POLG: variants seen among roughly 807,000 people sequenced by gnomAD.
POLG encodes the protein DNA polymerase gamma, catalytic subunit, also known as DNA polymerase subunit gamma-1.
Under a neutral mutation model 155.4 loss-of-function variants are expected in POLG, and 110 were observed. The ratio of observed to expected loss-of-function variants is 0.71; its 90% CI spans 0.61 to 0.83. POLG has a LOEUF of 0.83. Among genes scored for constraint, POLG ranks in the 40% least tolerant of loss-of-function variants. The pLI, the probability that POLG is intolerant of heterozygous loss-of-function variation, is 0.00. For synonymous variants in POLG, 701 were observed against 631.5 expected, an observed-to-expected ratio of 1.11 and a Z score of -1.65; for missense variants, 1,685 against 1,627.5, an observed-to-expected ratio of 1.04 and a Z score of -0.61.
At chr15:89,325,114 GT>G (rs1379762875) in intron 10 of POLG, among the ~76,000 whole-genome samples, 6 of 73,416 alleles carry the variant, frequency 8.2e-5, no homozygotes, top group African/African-American at 4.6e-4. Flanking sequence ...GTGAGAGAGA[GT>G]GAGTGAGTGA....
intron 10 of POLG, among the ~76,000 whole-genome samples, chr15:89,325,171 A>AGAGTGAGAGAGTGAGTGAGT (rs2055481708): frequency 1.7e-5 from 1 of 58,574 alleles, no homozygotes; most frequent in Non-Finnish European, 3.0e-5. Flanking sequence ...AGTGAGTGAG[A>AGAGTGAGAGAGTGAGTGAGT]GAGTGAGAGA....
chr15:89,333,095 C>T lies in POLG; in HGVS notation c.659+1G>A, dbSNP rs1348641548. The T allele has an allele frequency of 6.6e-7, 1 of 1,512,130 alleles. No individual in the cohort carries two copies. Among genetic ancestry groups the T allele is most frequent in the Non-Finnish European group, 8.8e-7 (1 of 1,130,412 alleles). 93.7% of individuals were successfully genotyped at this position (1,512,130 alleles called of 1,614,324 possible). A position where few individuals can be genotyped will look rare whatever the true frequency, so the allele number is the denominator to read the frequency against. On this transcript the variant is annotated splice_donor_variant, in intron 2 of 22. Coordinates refer to ENST00000268124, the MANE Select transcript of POLG (RefSeq NM_002693.3). LOFTEE classifies it high-confidence loss of function. ...ATGTCCCCAACCCTGCCCCTACTTA[C>T]CAGGCCGAGGGGGATATGGCCACCG...
intron 3 of POLG, 44 bp from the exon 4 acceptor site, chr15:89,329,154 C>T: frequency 6.5e-7 from 1 of 1,549,990 alleles, no homozygotes; most frequent in Non-Finnish European, 8.8e-7. Flanking sequence ...AGGGAGGCTG[C>T]AACTGTGGGG....
rs753739487 is a variant in POLG at position 89,333,473 on chromosome 15, C to A, written c.282G>T (p.Met94Ile). Residue 94 changes from methionine (M) to isoleucine (I), a missense_variant, in exon 2 of 23, where the codon ATG becomes ATT. This residue lies in a region of POLG where 1,210 missense variants were observed against 1,167.1 expected (regional missense o/e 1.04). Coordinates refer to ENST00000268124, the MANE Select transcript of POLG (RefSeq NM_002693.3). ...HEQIFGQGGEMPGEAAVRRSV... is the reference protein window; with the variant it reads ...HEQIFGQGGEIPGEAAVRRSV... ...TGCGGCGCACCGCGGCCTCGCCAGG[C>A]ATCTCCCCTCCTTGCCCGAAGATTT... 4 of 1,612,230 alleles carry A rather than the reference C, an allele frequency of 2.5e-6. No individual in the cohort carries two copies. The highest frequency in any genetic ancestry group is 2.2e-5 in the South Asian group (2 of 91,088).
chr15:89,317,388 C>T lies in POLG; in HGVS notation c.3631G>A (p.Gly1211Arg), dbSNP rs768181189. The T allele has an allele frequency of 1.2e-5, 20 of 1,613,910 alleles. No homozygotes were observed. Among genetic ancestry groups the T allele is most frequent in the Admixed American group, 1.7e-5 (1 of 60,004 alleles). Residue 1211 changes from glycine (G) to arginine (R), a missense_variant, in exon 22 of 23, where the codon GGG becomes AGG. This residue lies in a region of POLG where 470 missense variants were observed against 439.9 expected (regional missense o/e 1.07). Coordinates refer to ENST00000268124, the MANE Select transcript of POLG (RefSeq NM_002693.3). Reference sequence around the variant, plus strand: ...GTGTTGTGCTCACCCTGGGGAATCCCGTATCTCCTTTCCATCCCAGTTGGG... The same window carrying T: ...GTGTTGTGCTCACCCTGGGGAATCCTGTATCTCCTTTCCATCCCAGTTGGG... Reference protein sequence around the residue: ...SNPTGMERRYGIPQGEALDIY... With the variant: ...SNPTGMERRYRIPQGEALDIY...
rs781347964 is a variant in POLG, at chr15:89,319,111, G to A, written c.3105-12C>T. On this transcript the variant is annotated splice_polypyrimidine_tract_variant and intron_variant, in intron 19 of 22. Coordinates refer to ENST00000268124, the MANE Select transcript of POLG (RefSeq NM_002693.3). ...TCTTCCACTGTGACCTAAGGGACCA[G>A]AAACAGAGGGCAGACTTTGTCTTTC... 10 of 1,614,012 alleles carry A rather than the reference G, an allele frequency of 6.2e-6. No homozygotes were observed. The highest frequency in any genetic ancestry group is 8.5e-6 in the Non-Finnish European group (10 of 1,180,030).
At chr15:89,322,319 T>A (rs1228333613) in intron 14 of POLG, among the ~76,000 whole-genome samples, 1 of 152,096 alleles carries the variant, frequency 6.6e-6, no homozygotes, top group African/African-American at 2.4e-5. Flanking sequence ...GACTTCACCA[T>A]CCCAACACCC....
chr15:89,325,265 AGTGAGT>A lies in POLG; in HGVS notation c.1949+179_1949+184del, dbSNP rs1278790158. Among the ~76,000 whole-genome samples, 68 of 114,884 alleles carry A rather than the reference AGTGAGT, an allele frequency of 5.9e-4. 20 individuals carry two copies. Among genetic ancestry groups the A allele is most frequent in the African/African-American group, 2.7e-3 (64 of 23,646 alleles). 75.4% of individuals were successfully genotyped at this position (114,884 alleles called of 152,430 possible). A position where few individuals can be genotyped will look rare whatever the true frequency, so the allele number is the denominator to read the frequency against. On this transcript the variant is annotated intron_variant, in intron 10 of 22. Coordinates refer to ENST00000268124, the MANE Select transcript of POLG (RefSeq NM_002693.3). ...GAGTGAGTGAGAGAGAGAGTGAGTG[AGTGAGT>A]GAGAGAGAGAGAAAGAGAGAGAGAG...
At chr15:89,333,965 G>A (rs1344728773) in intron 1 of POLG, 52 bp from the exon 2 acceptor site, 2 of 609,468 alleles carry the variant, frequency 3.3e-6, no homozygotes, top group African/African-American at 1.9e-5. Flanking sequence ...TGTAATAGGT[G>A]TATCCATAAT....
chr15:89,333,391 C>T lies in POLG; in HGVS notation c.364G>A (p.Asp122Asn), dbSNP rs2055621716. 6.3e-7 allele frequency: 1 copy of T among 1,589,366 alleles called. No individual in the cohort carries two copies. Among genetic ancestry groups the T allele is most frequent in the Non-Finnish European group, 8.5e-7 (1 of 1,171,186 alleles). Residue 122 changes from aspartate to asparagine, a missense_variant, in exon 2 of 23, where the codon GAC becomes AAC. Physicochemically the swap from Asp to Asn is conservative, Grantham distance 23. Transcript: ENST00000268124. Reference sequence around the variant, plus strand: ...AGGGGCGGCAGGCGCAGCTCCACGTCGGGCAAGGGCACGGCTGGCTGCCCC... The same window carrying T: ...AGGGGCGGCAGGCGCAGCTCCACGTTGGGCAAGGGCACGGCTGGCTGCCCC... ...LWGQPAVPLP[D>N]VELRLPPLYG... is the part of the protein sequence containing the mutation.
Position 89,333,459 on chromosome 15 carries a change from G to A in POLG, c.296C>T (p.Ala99Val). Reference sequence around the variant, plus strand: ...CAGGTGCTCGACGCTGCGGCGCACCGCGGCCTCGCCAGGCATCTCCCCTCC... The same window carrying A: ...CAGGTGCTCGACGCTGCGGCGCACCACGGCCTCGCCAGGCATCTCCCCTCC... Reference protein sequence around the residue: ...GQGGEMPGEAAVRRSVEHLQK... With the variant: ...GQGGEMPGEAVVRRSVEHLQK... Residue 99 changes from alanine (A) to valine (V), a missense_variant, in exon 2 of 23, where the codon GCG becomes GTG. Transcript: ENST00000268124. 1 of 1,611,030 alleles carries A rather than the reference G, an allele frequency of 6.2e-7. No individual in the cohort carries two copies.
At chr15:89,322,990 A>G in intron 13 of POLG, 88 bp from the exon 14 acceptor site, 2 of 1,329,338 alleles carry the variant, frequency 1.5e-6, no homozygotes, top group South Asian at 2.6e-5. Flanking sequence ...TCCTCCCAAC[A>G]CTGAGCCCAG....
Position 89,325,255 on chromosome 15 carries a change from A to AGAGT in POLG, c.1949+191_1949+194dup, listed in dbSNP as rs778311091. ...GTGAGAGAGTGAGTGAGTGAGAGAG[A>AGAGT]GAGTGAGTGAGTGAGTGAGAGAGAG... On this transcript the variant is annotated intron_variant, in intron 10 of 22. Coordinates refer to ENST00000268124, the MANE Select transcript of POLG (RefSeq NM_002693.3). Among the ~76,000 whole-genome samples the AGAGT allele has an allele frequency of 2.3e-4, 9 of 39,176 alleles. 2 individuals are homozygous for AGAGT. Among genetic ancestry groups the AGAGT allele is most frequent in the African/African-American group, 3.6e-4 (2 of 5,554 alleles). The allele number at this position is 39,176 out of a possible 152,430, so 25.7% of individuals were successfully genotyped here. A position where few individuals can be genotyped will look rare whatever the true frequency, so the allele number is the denominator to read the frequency against.
At chr15:89,319,537 G>A in intron 18 of POLG, 187 bp from the exon 19 acceptor site, 2 of 757,982 alleles carry the variant, frequency 2.6e-6, no homozygotes, top group South Asian at 1.7e-5. Context: ...GGATCATGGA[G>A]CTAGAAAGAG....
In POLG at chr15:89,318,617, C is replaced by T. The variant is rs56047213; in HGVS notation, c.3406G>A (p.Glu1136Lys). Residue 1136 changes from glutamate to lysine, a missense_variant, in exon 21 of 23, where the codon GAG (glutamate) becomes AAG (lysine). Physicochemically the swap from Glu to Lys is moderately conservative, Grantham distance 56 (BLOSUM62 1). Around this residue, in one of 3 missense-constraint regions of POLG, gnomAD observed 470 missense variants for 439.9 expected, o/e 1.07. Coordinates refer to ENST00000268124, the MANE Select transcript of POLG (RefSeq NM_002693.3). ...DGRFCISIHD[E>K]VRYLVREEDR... ...TCCTCCCGCACCAGGTAGCGAACCT[C>T]GTCATGGATGCTGATGCAGAAGCGC... is the stretch of plus-strand genomic sequence containing the variant. The T allele has an allele frequency of 3.1e-6, 5 of 1,614,070 alleles. No individual in the cohort carries two copies. Among genetic ancestry groups the T allele is most frequent in the Admixed American group, 1.7e-5 (1 of 60,010 alleles).
At chr15:89,328,366 T>G (rs2055550050) in intron 6 of POLG, 90 bp downstream of exon 6, 35 of 1,001,576 alleles carry the variant, frequency 3.5e-5, no homozygotes, top group African/African-American at 4.8e-5. Flanking sequence ...GTCCCCAACC[T>G]GAGATAGAAC....
rs541426818 is a variant in POLG, at chr15:89,333,016, C to A, written c.659+80G>T. 56 of 1,486,880 alleles carry A rather than the reference C, an allele frequency of 3.8e-5. No homozygotes were observed. In the African/African-American group the frequency reaches 6.9e-4, roughly 18 times the overall value. The allele number at this position is 1,486,880 out of a possible 1,614,324, so 92.1% of individuals were successfully genotyped here. ...CGTGAGCACCCAGCCCGTAACAGGA[C>A]CTCAGAAAATGTTCACTGAAACAAA... On this transcript the variant is annotated intron_variant, in intron 2 of 22. Coordinates refer to ENST00000268124, the MANE Select transcript of POLG (RefSeq NM_002693.3).
chr15:89,324,277 T>C, intron 10 of POLG, 50 bp from the exon 11 acceptor site: 1 of 1,603,350 alleles, frequency 6.2e-7, no homozygotes. Context: ...AGATGCCCAC[T>C]CTGGGCCAGG....
rs138929605 is a variant in POLG at position 89,330,106 on chromosome 15, T to G, written c.830A>C (p.His277Pro). 1 of 1,614,118 alleles carries G rather than the reference T, an allele frequency of 6.2e-7. No individual in the cohort carries two copies. The highest frequency in any genetic ancestry group is 1.1e-5 in the South Asian group (1 of 91,080). ...CTGGATCAGGTACTGCTCCCTGATA[T>G]GAGCTCGGTCAAAGGAAACATTGTG... The part of the protein sequence containing the change: ...VGHNVSFDRA[H>P]IREQYLIQGS... The change falls in exon 3 of 23, where the codon CAT becomes CCT. Residue 277 changes from histidine (H) to proline (P), a missense_variant. Transcript: ENST00000268124.
Sources: gnomAD v4.1 joint callset for allele counts (sites outside exome capture counted in the v4.1 genomes callset) on GRCh38, gnomAD v4.1.1 for gene constraint, gnomAD v4.1.1 regional missense constraint, MANE v1.5 for transcripts, NCBI Gene and HGNC (gene_info 2026-07-23, HGNC 2026-07-21) for gene names.